DGKZ: variants seen among roughly 807,000 people sequenced by gnomAD.
DGKZ encodes diacylglycerol kinase zeta.
Under a neutral mutation model 142.5 loss-of-function variants are expected in DGKZ, and 45 were observed. The ratio of observed to expected loss-of-function variants is 0.32; its 90% CI spans 0.25 to 0.40. The LOEUF (loss-of-function observed/expected upper bound fraction) is 0.40, where lower values mean the gene tolerates loss of function less well. DGKZ is among the 10% of genes least tolerant of loss of function. DGKZ has a pLI of 1.00. For synonymous variants in DGKZ, 442 were observed against 527.0 expected (o/e 0.84, Z 2.21); for missense variants, 755 against 1,306.5 (o/e 0.58, Z 6.51).
intron 4 of DGKZ, 85 bp downstream of exon 4, chr11:46,368,164 A>T (rs1328767298): frequency 7.0e-7 from 1 of 1,434,308 alleles, no homozygotes; most frequent in South Asian, 1.2e-5. Flanking sequence ...CATGTTATAC[A>T]AACGGCCTGC....
chr11:46,337,770 A>G (rs1198910626), intron 1 of DGKZ, among the ~76,000 whole-genome samples: 9 of 150,440 alleles, frequency 6.0e-5, no homozygotes, highest in Admixed American at 5.9e-4. Flanking sequence ...AGGGCAGGGC[A>G]GGAAACAAAC....
intron 27 of DGKZ, 39 bp from the exon 28 acceptor site, chr11:46,378,952 C>T (rs1944888587): frequency 6.6e-7 from 1 of 1,506,472 alleles, no homozygotes; most frequent in Non-Finnish European, 8.8e-7. Context: ...GGAGGGGTGG[C>T]CCCAGGAGGT....
intron 1 of DGKZ, among the ~76,000 whole-genome samples, chr11:46,359,892 A>G (rs1042162738): frequency 6.6e-6 from 1 of 151,288 alleles, no homozygotes; most frequent in Admixed American, 6.6e-5. Context: ...TGCTGGGATT[A>G]CAGGCGTGAA....
upstream of DGKZ, chr11:46,345,522 G>C: frequency 6.6e-7 from 1 of 1,522,542 alleles, no homozygotes; most frequent in Non-Finnish European, 8.8e-7. The surrounding 1 kb of genome is among the most constrained non-coding windows in gnomAD (Gnocchi z 4.1). Flanking sequence ...GGGTCACTGA[G>C]GCAGATGTGG....
intron 1 of DGKZ, among the ~76,000 whole-genome samples, chr11:46,353,963 T>C (rs1941706928): frequency 6.6e-6 from 1 of 152,186 alleles, no homozygotes; most frequent in African/African-American, 2.4e-5. Flanking sequence ...TTGCTGACAT[T>C]TTACAGAGAG....
chr11:46,336,857 C>T (rs566156096), intron 1 of DGKZ, among the ~76,000 whole-genome samples: 6 of 152,240 alleles, frequency 3.9e-5, no homozygotes, highest in African/African-American at 1.2e-4. Context: ...CTGGCCTCTA[C>T]AGATTTTGTT....
exon 14 of DGKZ, chr11:46,373,053 C>T: frequency 6.5e-7 from 1 of 1,543,736 alleles, no homozygotes; most frequent in African/African-American, 1.4e-5. Flanking sequence ...ACGCTGAGCC[C>T]AACCCCGAGG....
chr11:46,359,117 G>A (rs932741494), intron 1 of DGKZ, among the ~76,000 whole-genome samples: 3 of 151,504 alleles, frequency 2.0e-5, no homozygotes, highest in Non-Finnish European at 4.4e-5. Flanking sequence ...TCCAGCCTGG[G>A]CGACAGAGCA....
Position 46,372,648 on chromosome 11 carries a change from C to A in DGKZ, c.1042C>A (p.Arg348=). Residue 348 remains arginine (R), a synonymous_variant, in exon 12 of 31, where the codon CGG becomes AGG. Coordinates refer to ENST00000527911, the Ensembl canonical transcript of DGKZ. The surrounding 1 kb of genome is among the most constrained non-coding windows in gnomAD (Gnocchi z 5.9). ...GATGTACCGCAAAGTGCACAACCTGCGGATCCTGGCGTGCGGGGGCGACGG... is the reference window on the plus strand; with the variant it reads ...GATGTACCGCAAAGTGCACAACCTGAGGATCCTGGCGTGCGGGGGCGACGG... 3 of 1,613,582 alleles carry A rather than the reference C, an allele frequency of 1.9e-6. No homozygotes were observed. Among genetic ancestry groups the A allele is most frequent in the South Asian group, 1.1e-5 (1 of 91,084 alleles).
intron 1 of DGKZ, among the ~76,000 whole-genome samples, chr11:46,351,985 C>T (rs1051671176): frequency 6.3e-4 from 96 of 152,192 alleles, no homozygotes; most frequent in African/African-American, 2.0e-3. Flanking sequence ...AGTTGGTGTC[C>T]CCTCAGGCAA....
intron 23 of DGKZ, 49 bp downstream of exon 23, chr11:46,376,446 G>T (rs758082216): frequency 1.2e-6 from 2 of 1,613,674 alleles, no homozygotes; most frequent in African/African-American, 1.3e-5. Flanking sequence ...CCTCCCTAGG[G>T]GATCCCAGGT....
chr11:46,372,005 G>A lies in DGKZ; in HGVS notation c.832-70G>A. The A allele has an allele frequency of 1.4e-6, 2 of 1,440,794 alleles. No individual in the cohort carries two copies. Among genetic ancestry groups the A allele is most frequent in the Non-Finnish European group, 1.9e-6 (2 of 1,045,856 alleles). 89.3% of individuals were successfully genotyped at this position (1,440,794 alleles called of 1,614,324 possible). The stretch of plus-strand genomic sequence containing the variant: ...AAAGAGGGAACAAAGTCACCCAGGG[G>A]GCCTGCTAAGGATGATGGTAGGGTG... On this transcript the variant is annotated intron_variant, in intron 9 of 30. Transcript: ENST00000527911. This position sits in a 1 kb window ranked among gnomAD's most constrained non-coding sequence, Gnocchi z 5.9.
intron 1 of DGKZ, chr11:46,361,961 G>A (rs910531034): frequency 3.3e-5 from 5 of 152,526 alleles, no homozygotes; most frequent in South Asian, 2.1e-4. Context: ...CCTGCTCCCC[G>A]AGGTACATTT....
At chr11:46,366,103 C>T in intron 1 of DGKZ, 1 of 1,388,536 alleles carries the variant, frequency 7.2e-7, no homozygotes, top group Non-Finnish European at 9.3e-7. Flanking sequence ...GGGTTGCTTC[C>T]CTTCTCATGG....
intron 1 of DGKZ, among the ~76,000 whole-genome samples, chr11:46,357,398 G>T (rs958617086): frequency 2.0e-5 from 3 of 152,176 alleles, no homozygotes; most frequent in African/African-American, 7.2e-5. Context: ...TCACTCTTGG[G>T]GTCCTCTAGA....
At chr11:46,374,907 G>A in intron 18 of DGKZ, 27 bp from the exon 19 acceptor site, 1 of 1,574,122 alleles carries the variant, frequency 6.4e-7, no homozygotes, top group Non-Finnish European at 8.7e-7. Flanking sequence ...TGTGTTTTGA[G>A]GCCCATGTCA....
At chr11:46,335,359 A>G (rs1371963678) in intron 1 of DGKZ, among the ~76,000 whole-genome samples, 2 of 152,054 alleles carry the variant, frequency 1.3e-5, no homozygotes, top group Non-Finnish European at 2.9e-5. Context: ...GTGGAGACTT[A>G]GAGGGCAGAG....
At chr11:46,340,687 C>T (rs979576988) in intron 1 of DGKZ, among the ~76,000 whole-genome samples, 1 of 152,270 alleles carries the variant, frequency 6.6e-6, no homozygotes, top group African/African-American at 2.4e-5. Flanking sequence ...CCAGCAGCAC[C>T]TGCAACCCAG....
In DGKZ at chr11:46,379,035, CG is replaced by C; in HGVS notation, c.2464del (p.Glu822SerfsTer70). ...CTGGGGGCGACCTCATGCACCGAGA[CG>C]AGCAGAGTCGCACGCTCCTGCACCA... On this transcript the variant is annotated frameshift_variant, in exon 28 of 31. Transcript: ENST00000527911. LOFTEE classifies it high-confidence loss of function. 6.3e-7 allele frequency: 1 copy of C among 1,592,578 alleles called. No homozygotes were observed. Among genetic ancestry groups the C allele is most frequent in the Non-Finnish European group, 8.5e-7 (1 of 1,176,470 alleles).
Sources: allele counts gnomAD v4.1 joint callset (sites outside exome capture counted in the v4.1 genomes callset), GRCh38; gene constraint gnomAD v4.1.1; non-coding constraint Gnocchi (gnomAD v3.1); transcripts MANE v1.5; gene names NCBI Gene and HGNC (gene_info 2026-07-23, HGNC 2026-07-21).